The following ROCK2 variants were observed in gnomAD, a reference collection of about 807,000 sequenced individuals.
ROCK2 encodes the protein Rho associated coiled-coil containing protein kinase 2.
A neutral mutation model predicts 195.1 loss-of-function variants in ROCK2; 61 were observed. The observed-to-expected ratio is 0.31, with a 90% confidence interval of 0.25 to 0.39. ROCK2 has a LOEUF of 0.39. Ranked by LOEUF, ROCK2 falls within the 10% of genes least tolerant of loss-of-function variation. The probability of loss-of-function intolerance (pLI) is 1.00; values close to 1 mark genes in which losing one functional copy is unlikely to be tolerated. For missense variants in ROCK2, 1,109 were observed against 1,637.4 expected (o/e 0.68, Z 5.57); for synonymous variants, 504 against 545.5 (o/e 0.92, Z 1.06).
chr2:11,214,699 G>T lies in ROCK2; in HGVS notation c.1936+141C>A, dbSNP rs540707180. 12 of 823,502 alleles carry T rather than the reference G, an allele frequency of 1.5e-5. No individual in the cohort carries two copies. The African/African-American group carries it at 1.7e-4, about 12-fold the overall frequency. The allele number at this position is 823,502 out of a possible 1,614,324, so 51.0% of individuals were successfully genotyped here. ...TTAAATCTTTTGTTCCTAAAATTTTGTATCAGTGTATTTCTAATATTCTAA... is the reference window on the plus strand; with the variant it reads ...TTAAATCTTTTGTTCCTAAAATTTTTTATCAGTGTATTTCTAATATTCTAA... On this transcript the variant is annotated intron_variant, in intron 16 of 32. Coordinates refer to ENST00000315872, the MANE Select transcript of ROCK2 (RefSeq NM_004850.5).
At chr2:11,272,512 T>A (rs1666674444) in intron 3 of ROCK2, among the ~76,000 whole-genome samples, 2 of 152,174 alleles carry the variant, frequency 1.3e-5, no homozygotes, top group Non-Finnish European at 2.9e-5. Flanking sequence ...GATTAGTTTA[T>A]GGTTTGGGGC....
At chr2:11,305,446 C>CAT (rs1667828829) in intron 1 of ROCK2, among the ~76,000 whole-genome samples, 1 of 49,678 alleles carries the variant, frequency 2.0e-5, no homozygotes, top group South Asian at 6.0e-4. Flanking sequence ...TGTGGGTGTA[C>CAT]ACACACACAC....
chr2:11,197,337 T>C lies in ROCK2; in HGVS notation c.3291A>G (p.Glu1097=). 1.9e-6 allele frequency: 3 copies of C among 1,611,630 alleles called. No individual in the cohort carries two copies. The South Asian group carries it at 3.3e-5, about 18-fold the overall frequency. ...ELNEMQAQIA[E]ESQIRIELQM... Reference sequence around the variant, plus strand: ...GCAGTTCAATTCGAATCTGGCTCTCTTCAGCTATTTGCTATAAGAAATTTA... The same window carrying C: ...GCAGTTCAATTCGAATCTGGCTCTCCTCAGCTATTTGCTATAAGAAATTTA... Residue 1097 remains glutamate (E), a synonymous_variant, in exon 27 of 33, where the codon GAA becomes GAG. Transcript: ENST00000315872. The surrounding 1 kb of genome is among the most constrained non-coding windows in gnomAD (Gnocchi z 4.9).
Position 11,201,204 on chromosome 2 carries a change from G to C in ROCK2, c.2724-61C>G. 1 of 1,545,514 alleles carries C rather than the reference G, an allele frequency of 6.5e-7. No individual in the cohort carries two copies. Among genetic ancestry groups the C allele is most frequent in the Non-Finnish European group, 8.8e-7 (1 of 1,137,472 alleles). Reference sequence around the variant, plus strand: ...TTTTCACTATGAAGTGAAAGTTTTTGTCTAATTCACTTCATCAATAATTTT... The same window carrying C: ...TTTTCACTATGAAGTGAAAGTTTTTCTCTAATTCACTTCATCAATAATTTT... On this transcript the variant is annotated intron_variant, in intron 22 of 32. Transcript: ENST00000315872. The surrounding 1 kb of genome is among the most constrained non-coding windows in gnomAD (Gnocchi z 4.6).
chr2:11,269,548 A>G (rs942728160), intron 3 of ROCK2, among the ~76,000 whole-genome samples: 10 of 151,986 alleles, frequency 6.6e-5, no homozygotes, highest in African/African-American at 2.2e-4. Context: ...TGGATCGGCC[A>G]TATTGGCCAT....
At chr2:11,277,041 C>A (rs1666850297) in intron 3 of ROCK2, among the ~76,000 whole-genome samples, 1 of 152,120 alleles carries the variant, frequency 6.6e-6, no homozygotes, top group Non-Finnish European at 1.5e-5. Flanking sequence ...TTACTATATA[C>A]TCCCTGTCCC....
At chr2:11,268,147 G>A (rs961225510) in intron 3 of ROCK2, among the ~76,000 whole-genome samples, 2 of 152,098 alleles carry the variant, frequency 1.3e-5, no homozygotes, top group African/African-American at 4.8e-5. Context: ...AGGGAGCCAT[G>A]GCTACAAGAT....
chr2:11,344,368 A>G lies in ROCK2; in HGVS notation c.-232T>C, dbSNP rs947768531. 1 of 1,157,290 alleles carries G rather than the reference A, an allele frequency of 8.6e-7. No homozygotes were observed. Among genetic ancestry groups the G allele is most frequent in the Middle Eastern group, 3.5e-4 (1 of 2,848 alleles). The allele number at this position is 1,157,290 out of a possible 1,614,324, so 71.7% of individuals were successfully genotyped here. Reference sequence around the variant, plus strand: ...CCCGGCCCTGCCGGGAGCGGCGGGGAACAGACGGCGTCCCCGCCCCTCAGT... The same window carrying G: ...CCCGGCCCTGCCGGGAGCGGCGGGGGACAGACGGCGTCCCCGCCCCTCAGT... On this transcript the variant is annotated 5_prime_UTR_variant, in exon 1 of 33. Transcript: ENST00000315872. The surrounding 1 kb of genome is among the most constrained non-coding windows in gnomAD (Gnocchi z 5.4).
In ROCK2 at chr2:11,182,728, A is replaced by G. The variant is rs1274384600; in HGVS notation, c.*709T>C. The G allele has an allele frequency of 6.6e-6, 1 of 152,602 alleles. No individual in the cohort carries two copies. Among genetic ancestry groups the G allele is most frequent in the African/African-American group, 2.4e-5 (1 of 41,436 alleles). The allele number at this position is 152,602 out of a possible 1,614,324, so 9.5% of individuals were successfully genotyped here. A position where few individuals can be genotyped will look rare whatever the true frequency, so the allele number is the denominator to read the frequency against. Reference sequence around the variant, plus strand: ...AAATGGGTAAAGTTGCCTATCATGAAGCATTAGGAAACTGATATAATTAAC... The same window carrying G: ...AAATGGGTAAAGTTGCCTATCATGAGGCATTAGGAAACTGATATAATTAAC... On this transcript the variant is annotated 3_prime_UTR_variant, in exon 33 of 33. Transcript: ENST00000315872.
intron 1 of ROCK2, 37 bp downstream of exon 1, chr2:11,343,959 G>A: frequency 6.3e-7 from 1 of 1,579,976 alleles, no homozygotes; most frequent in Admixed American, 1.8e-5. Context: ...TGAGGTGTGA[G>A]CTGCAACGAG....
intron 3 of ROCK2, among the ~76,000 whole-genome samples, chr2:11,273,460 TACAA>T (rs1300081993): frequency 1.3e-5 from 2 of 152,070 alleles, no homozygotes; most frequent in African/African-American, 4.8e-5. Flanking sequence ...ACACAGCAAT[TACAA>T]ACATTTATAG....
At chr2:11,206,219 A>T (rs995115260) in intron 20 of ROCK2, among the ~76,000 whole-genome samples, 1 of 152,208 alleles carries the variant, frequency 6.6e-6, no homozygotes, top group African/African-American at 2.4e-5. Flanking sequence ...TGGCTAAGAT[A>T]GAAAACATGG....
In ROCK2 at chr2:11,235,326, A is replaced by C. The variant is rs1451427669; in HGVS notation, c.723+376T>G. Among the ~76,000 whole-genome samples the C allele has an allele frequency of 1.3e-5, 2 of 152,158 alleles. No homozygotes were observed. Among genetic ancestry groups the C allele is most frequent in the African/African-American group, 4.8e-5 (2 of 41,440 alleles). ...TACTTACTTTTACCTCCTCTTAAAG[A>C]AAAAAATGCAGAAGTAACAATGGTG... On this transcript the variant is annotated intron_variant, in intron 5 of 32. Coordinates refer to ENST00000315872, the MANE Select transcript of ROCK2 (RefSeq NM_004850.5). The surrounding 1 kb of genome is among the most constrained non-coding windows in gnomAD (Gnocchi z 4.2).
intron 4 of ROCK2, among the ~76,000 whole-genome samples, chr2:11,248,708 C>CGAAAA (rs1665713491): frequency 2.2e-5 from 1 of 45,412 alleles, no homozygotes; most frequent in Non-Finnish European, 3.4e-5. Context: ...GACTTCATCT[C>CGAAAA]AAAAAAAAAA....
At chr2:11,216,319 G>A in intron 12 of ROCK2, 113 bp from the exon 13 acceptor site, 1 of 805,732 alleles carries the variant, frequency 1.2e-6, no homozygotes, top group Non-Finnish European at 2.0e-6. Flanking sequence ...ATTTTTCTGA[G>A]ACGAAGTCTT....
intron 1 of ROCK2, among the ~76,000 whole-genome samples, chr2:11,314,389 A>G (rs189620792): frequency 6.6e-6 from 1 of 151,998 alleles, no homozygotes; most frequent in East Asian, 1.9e-4. Context: ...ACTAAAACAC[A>G]GTACTGTTAA....
At chr2:11,271,799 G>A (rs1171445721) in intron 3 of ROCK2, among the ~76,000 whole-genome samples, 8 of 152,058 alleles carry the variant, frequency 5.3e-5, no homozygotes, top group Non-Finnish European at 1.2e-4. Context: ...AGGCAGAGGC[G>A]GGCGGATCAC....
chr2:11,301,356 C>T (rs1419434394), intron 1 of ROCK2, among the ~76,000 whole-genome samples: 1 of 151,936 alleles, frequency 6.6e-6, no homozygotes, highest in African/African-American at 2.4e-5. Flanking sequence ...TTTTTATCTT[C>T]CTTAAAGGTA....
At chr2:11,302,874 T>C (rs1327923394) in intron 1 of ROCK2, among the ~76,000 whole-genome samples, 1 of 152,168 alleles carries the variant, frequency 6.6e-6, no homozygotes, top group Admixed American at 6.5e-5. Context: ...CCTGGGAAAT[T>C]TTAAATTATA....
Sources: allele counts gnomAD v4.1 joint callset (sites outside exome capture counted in the v4.1 genomes callset), GRCh38; gene constraint gnomAD v4.1.1; non-coding constraint Gnocchi (gnomAD v3.1); transcripts MANE v1.5; gene names NCBI Gene and HGNC (gene_info 2026-07-23, HGNC 2026-07-21).